The following MRPS31 variants were observed in gnomAD, a reference collection of about 807,000 sequenced individuals.
The protein encoded by MRPS31 is small ribosomal subunit protein mS31.
In MRPS31, 32 loss-of-function variants were observed where a neutral mutation model predicts 43.1. The ratio of observed to expected loss-of-function variants is 0.74; its 90% CI spans 0.56 to 1.00. MRPS31 has a LOEUF of 1.00. Ranked by LOEUF, MRPS31 falls within the 50% of genes least tolerant of loss-of-function variation. MRPS31 has a pLI of 0.00. For missense variants in MRPS31, 437 were observed against 466.7 expected, an observed-to-expected ratio of 0.94 and a Z score of 0.59; for synonymous variants, 165 against 161.6, an observed-to-expected ratio of 1.02 and a Z score of -0.16.
At chr13:40,763,407 T>A (rs1354532981) in intron 2 of MRPS31, among the ~76,000 whole-genome samples, 6 of 152,184 alleles carry the variant, frequency 3.9e-5, no homozygotes, top group African/African-American at 1.4e-4. Context: ...CAGGGCCACA[T>A]GCAGTTTCCA....
chr13:40,768,212 T>C (rs1275149720), intron 1 of MRPS31, among the ~76,000 whole-genome samples: 1 of 152,208 alleles, frequency 6.6e-6, no homozygotes, highest in Non-Finnish European at 1.5e-5. Context: ...TATTAAAAAA[T>C]TATTTGCTAA....
At chr13:40,742,434 C>T (rs1234750950) in intron 6 of MRPS31, among the ~76,000 whole-genome samples, 2 of 152,146 alleles carry the variant, frequency 1.3e-5, no homozygotes, top group African/African-American at 4.8e-5. Context: ...GCTGTTTCCA[C>T]TTCTATGTAT....
At chr13:40,759,190 C>A (rs1468297323) in intron 2 of MRPS31, 84 bp from the exon 3 acceptor site, 1 of 1,120,886 alleles carries the variant, frequency 8.9e-7, no homozygotes, top group Non-Finnish European at 1.2e-6. Context: ...GTAATTCCAG[C>A]ACTTTGGGAA....
intron 6 of MRPS31, 102 bp from the exon 7 acceptor site, chr13:40,729,703 T>A (rs1879616096): frequency 6.1e-6 from 5 of 813,332 alleles, no homozygotes; most frequent in South Asian, 1.9e-5. Flanking sequence ...GTTTAAGGCA[T>A]GAACTTTGGA....
At chr13:40,750,497 T>C (rs963292047) in intron 5 of MRPS31, among the ~76,000 whole-genome samples, 1 of 152,062 alleles carries the variant, frequency 6.6e-6, no homozygotes. Context: ...AGTCAAGTTA[T>C]ATACTTCAAA....
intron 2 of MRPS31, among the ~76,000 whole-genome samples, chr13:40,761,484 AT>A (rs993930105): frequency 8.3e-4 from 126 of 152,272 alleles, no homozygotes; most frequent in African/African-American, 2.9e-3. Context: ...TTTCATAACA[AT>A]GGTTTCCTAT....
chr13:40,745,544 G>A (rs555280244), intron 6 of MRPS31, among the ~76,000 whole-genome samples: 4 of 152,258 alleles, frequency 2.6e-5, no homozygotes, highest in African/African-American at 7.2e-5. Context: ...GAGCCACCAC[G>A]CCCAGCCAAG....
chr13:40,760,544 A>C (rs749839667), intron 2 of MRPS31, among the ~76,000 whole-genome samples: 30 of 152,166 alleles, frequency 2.0e-4, no homozygotes, highest in Admixed American at 5.9e-4. Context: ...CATAAGAAAA[A>C]GCTTTTAAAA....
At chr13:40,769,688 C>A (rs1403936124) in intron 1 of MRPS31, among the ~76,000 whole-genome samples, 1 of 151,942 alleles carries the variant, frequency 6.6e-6, no homozygotes, top group Non-Finnish European at 1.5e-5. Flanking sequence ...TTTAAAGTTA[C>A]TATTCAAGGT....
chr13:40,732,078 C>A (rs1276409980), intron 6 of MRPS31, among the ~76,000 whole-genome samples: 3 of 152,220 alleles, frequency 2.0e-5, no homozygotes, highest in Non-Finnish European at 4.4e-5. Context: ...CCTCTATTTG[C>A]TAAAGACATT....
chr13:40,743,910 T>C (rs564210049), intron 6 of MRPS31, among the ~76,000 whole-genome samples: 28 of 152,330 alleles, frequency 1.8e-4, no homozygotes, highest in Non-Finnish European at 3.4e-4. Flanking sequence ...TGTATGTTCA[T>C]TGCAGCACTA....
At chr13:40,768,923 A>G (rs1221598038) in intron 1 of MRPS31, among the ~76,000 whole-genome samples, 1 of 152,166 alleles carries the variant, frequency 6.6e-6, no homozygotes, top group Non-Finnish European at 1.5e-5. Flanking sequence ...TTGCCCACAG[A>G]AGTTAAAGTA....
intron 3 of MRPS31, 81 bp downstream of exon 3, chr13:40,758,867 A>C: frequency 8.0e-7 from 1 of 1,242,974 alleles, no homozygotes; most frequent in Non-Finnish European, 1.1e-6. Flanking sequence ...GGTATATATT[A>C]TGTGTATTAC....
intron 1 of MRPS31, among the ~76,000 whole-genome samples, chr13:40,767,986 T>C (rs12875993): frequency 2.0e-5 from 3 of 152,340 alleles, no homozygotes; most frequent in African/African-American, 7.2e-5. Flanking sequence ...GAATAATCAA[T>C]GGCTAGAAAT....
At chr13:40,764,881 C>G (rs540476555) in intron 2 of MRPS31, among the ~76,000 whole-genome samples, 1 of 152,298 alleles carries the variant, frequency 6.6e-6, no homozygotes, top group African/African-American at 2.4e-5. Flanking sequence ...AATCTGTGAG[C>G]ATAATGAATG....
intron 6 of MRPS31, among the ~76,000 whole-genome samples, chr13:40,737,749 G>C (rs997857993): frequency 8.6e-5 from 13 of 151,934 alleles, no homozygotes; most frequent in South Asian, 2.1e-4. Flanking sequence ...CGAGAACAAA[G>C]ACACAACAAA....
chr13:40,756,016 T>C (rs1880516390), intron 4 of MRPS31, among the ~76,000 whole-genome samples: 1 of 152,206 alleles, frequency 6.6e-6, no homozygotes, highest in Non-Finnish European at 1.5e-5. Context: ...AAAGTCACCA[T>C]AACCTCTTGA....
intron 4 of MRPS31, among the ~76,000 whole-genome samples, chr13:40,756,418 T>C (rs1334705214): frequency 6.6e-6 from 1 of 152,242 alleles, no homozygotes; most frequent in Non-Finnish European, 1.5e-5. Context: ...ATAAACTTTT[T>C]TCCTCCTGCC....
chr13:40,755,370 G>A (rs1401308845), intron 4 of MRPS31, among the ~76,000 whole-genome samples: 3 of 152,226 alleles, frequency 2.0e-5, no homozygotes, highest in Non-Finnish European at 4.4e-5. Context: ...TTCAAAAGAG[G>A]AACGTACTAC....
Sources: allele counts gnomAD v4.1 joint callset (sites outside exome capture counted in the v4.1 genomes callset), GRCh38; gene constraint gnomAD v4.1.1; transcripts MANE v1.5; gene names NCBI Gene and HGNC (gene_info 2026-07-23, HGNC 2026-07-21).